Variants in MCC observed in about 807,000 individuals in gnomAD.
MCC encodes the protein MCC regulator of Wnt signaling pathway, also known as colorectal mutant cancer protein.
Under a neutral mutation model 116.2 loss-of-function variants are expected in MCC, and 90 were observed. The observed-to-expected ratio is 0.77, with a 90% CI of 0.65 to 0.92. The LOEUF (loss-of-function observed/expected upper bound fraction) is 0.92, where lower values mean the gene tolerates loss of function less well. MCC is among the 40% of genes least tolerant of loss of function. The pLI is 0.00. For synonymous variants in MCC, 578 were observed against 510.5 expected (o/e 1.13, Z -1.78); for missense variants, 1,516 against 1,312.2 (o/e 1.16, Z -2.40).
At chr5:113,442,560 T>A (rs959735638) in intron 1 of MCC, among the ~76,000 whole-genome samples, 2 of 152,228 alleles carry the variant, frequency 1.3e-5, no homozygotes, top group Non-Finnish European at 2.9e-5. Flanking sequence ...GTTTTAGACA[T>A]GAAGTCTTTA....
chr5:113,277,533 A>C (rs949766560), intron 3 of MCC, among the ~76,000 whole-genome samples: 7 of 152,204 alleles, frequency 4.6e-5, no homozygotes, highest in Non-Finnish European at 8.8e-5. Flanking sequence ...CCAAGGTGGA[A>C]ATGCTCATGT....
intron 1 of MCC, chr5:113,400,008 T>C (rs1177716445): frequency 5.3e-5 from 8 of 152,144 alleles, no homozygotes; most frequent in African/African-American, 1.7e-4. Flanking sequence ...AAGTGAAGTA[T>C]TATGTTTACA....
At chr5:113,146,342 C>G (rs1317242595) in intron 4 of MCC, among the ~76,000 whole-genome samples, 1 of 828 alleles carries the variant, frequency 1.2e-3, no homozygotes, top group Non-Finnish European at 0.013. Flanking sequence ...GGCACTGAAG[C>G]TGTTGCAGCT....
chr5:113,450,404 G>A (rs1019727956), intron 1 of MCC, among the ~76,000 whole-genome samples: 3 of 152,252 alleles, frequency 2.0e-5, no homozygotes, highest in Middle Eastern at 3.4e-3. Context: ...GTGGGGACCC[G>A]GGAGCTTGAG....
At chr5:113,379,312 T>G (rs544873092) in intron 2 of MCC, among the ~76,000 whole-genome samples, 1 of 152,304 alleles carries the variant, frequency 6.6e-6, no homozygotes, top group African/African-American at 2.4e-5. Context: ...AGCATTCTAT[T>G]CTAGATGAGG....
intron 3 of MCC, among the ~76,000 whole-genome samples, chr5:113,335,088 C>T (rs939887475): frequency 2.6e-5 from 4 of 151,682 alleles, no homozygotes; most frequent in Non-Finnish European, 4.4e-5. Flanking sequence ...AACAATCAGC[C>T]TTGCTTTAAC....
At chr5:113,039,718 C>CCT (rs1751566250) in intron 17 of MCC, among the ~76,000 whole-genome samples, 1 of 109,896 alleles carries the variant, frequency 9.1e-6, no homozygotes, top group African/African-American at 3.2e-5. Context: ...CGCGCCCCCC[C>CCT]CCCCAACCCA....
intron 6 of MCC, chr5:113,104,626 C>G (rs1196414453): frequency 3.3e-6 from 1 of 299,632 alleles, no homozygotes; most frequent in Non-Finnish European, 6.2e-6. Context: ...TTAGTAAGAA[C>G]AAAGAAATGC....
intron 3 of MCC, among the ~76,000 whole-genome samples, chr5:113,215,751 A>G (rs1426287067): frequency 6.6e-6 from 1 of 151,934 alleles, no homozygotes; most frequent in African/African-American, 2.4e-5. Flanking sequence ...ATAATAAATA[A>G]CTTTCTGTTC....
intron 3 of MCC, among the ~76,000 whole-genome samples, chr5:113,269,704 A>C (rs1026903539): frequency 6.6e-6 from 1 of 152,192 alleles, no homozygotes; most frequent in African/African-American, 2.4e-5. Flanking sequence ...AAAGGGCCTA[A>C]TTTACCTAGT....
At chr5:113,061,133 C>A (rs529307848) in intron 14 of MCC, among the ~76,000 whole-genome samples, 2 of 152,364 alleles carry the variant, frequency 1.3e-5, no homozygotes, top group South Asian at 4.1e-4. Context: ...GGGGATTACA[C>A]CCCAGAGTGA....
chr5:113,224,760 G>C (rs41420244), intron 3 of MCC, among the ~76,000 whole-genome samples: 4,071 of 152,292 alleles, frequency 0.027, 90 homozygotes, highest in East Asian at 0.068. Flanking sequence ...TTGCTACTAA[G>C]TTCAAATCTT....
intron 1 of MCC, among the ~76,000 whole-genome samples, chr5:113,473,837 C>G (rs1772160042): frequency 6.6e-6 from 1 of 152,280 alleles, no homozygotes; most frequent in African/African-American, 2.4e-5. Context: ...AAACAGCATG[C>G]CTTTCCATAA....
chr5:113,294,706 G>T, intron 3 of MCC: 6 of 1,017,592 alleles, frequency 5.9e-6, no homozygotes, highest in Non-Finnish European at 7.0e-6. Flanking sequence ...TGCCACCCTG[G>T]GCGCCGCCTC....
chr5:113,423,586 G>C (rs914677677), intron 1 of MCC, among the ~76,000 whole-genome samples: 4 of 152,166 alleles, frequency 2.6e-5, no homozygotes, highest in African/African-American at 9.7e-5. Flanking sequence ...AATTTCAAAA[G>C]TTACAAGGCA....
chr5:113,129,396 AG>A (rs1758293795), intron 5 of MCC, among the ~76,000 whole-genome samples: 1 of 152,340 alleles, frequency 6.6e-6, no homozygotes, highest in East Asian at 1.9e-4. Flanking sequence ...TTTTCAAGAA[AG>A]GTGTTTCAGT....
chr5:113,456,598 A>C (rs1381360944), intron 1 of MCC, among the ~76,000 whole-genome samples: 6 of 140,612 alleles, frequency 4.3e-5, no homozygotes, highest in Non-Finnish European at 7.5e-5. Context: ...CTGGGACTAC[A>C]GTCACCCGCC....
intron 1 of MCC, among the ~76,000 whole-genome samples, chr5:113,479,363 T>C (rs981803320): frequency 6.6e-6 from 1 of 152,222 alleles, no homozygotes; most frequent in Non-Finnish European, 1.5e-5. Context: ...ACTTGTGTTA[T>C]GAAAATCAAT....
chr5:113,469,595 A>C (rs1772019797), intron 1 of MCC, among the ~76,000 whole-genome samples: 1 of 152,146 alleles, frequency 6.6e-6, no homozygotes, highest in Admixed American at 6.6e-5. Flanking sequence ...GGAGTGCTTT[A>C]CTTCCAACTA....
Sources: allele counts gnomAD v4.1 joint callset (sites outside exome capture counted in the v4.1 genomes callset), GRCh38; gene constraint gnomAD v4.1.1; transcripts MANE v1.5; gene names NCBI Gene and HGNC (gene_info 2026-07-23, HGNC 2026-07-21).